FIGN: variants seen among roughly 807,000 people sequenced by gnomAD.
The protein encoded by FIGN is fidgetin, microtubule severing factor.
FIGN carries 11 observed loss-of-function variants against 51.3 expected under a neutral mutation model. The ratio of observed to expected loss-of-function variants is 0.21; its 90% CI spans 0.13 to 0.35. The LOEUF is 0.35. FIGN is among the 10% of genes least tolerant of loss of function. The probability of loss-of-function intolerance (pLI) is 1.00; values close to 1 mark genes in which losing one functional copy is unlikely to be tolerated. For missense variants in FIGN, 857 were observed against 943.6 expected (o/e 0.91, Z 1.20); for synonymous variants, 407 against 363.2 (o/e 1.12, Z -1.37).
chr2:163,642,820 A>G (rs965622946), intron 2 of FIGN, among the ~76,000 whole-genome samples: 1 of 152,224 alleles, frequency 6.6e-6, no homozygotes, highest in African/African-American at 2.4e-5. Context: ...CTGAAGAATA[A>G]ATCTTAAAAA....
chr2:163,647,368 C>T (rs147295692), intron 2 of FIGN, among the ~76,000 whole-genome samples: 171 of 152,228 alleles, frequency 1.1e-3, no homozygotes, highest in African/African-American at 4.0e-3. Flanking sequence ...ATTAATTAAG[C>T]ATATATAATC....
At chr2:163,685,992 C>T (rs1388414023) in intron 2 of FIGN, among the ~76,000 whole-genome samples, 2 of 152,192 alleles carry the variant, frequency 1.3e-5, no homozygotes, top group African/African-American at 4.8e-5. Context: ...AGGCACAAAA[C>T]TATTTGGGAC....
Position 163,677,576 on chromosome 2 carries a change from CT to C in FIGN, c.25+57326del, listed in dbSNP as rs1683991980. ...TATGCTGGACAGCAGAGAAGCTAAT[CT>C]TTTTTAAAACATGATTTCCTACATT... On this transcript the variant is annotated intron_variant, in intron 2 of 2. Coordinates refer to ENST00000333129, the MANE Select transcript of FIGN (RefSeq NM_018086.4). Among the ~76,000 whole-genome samples, 5 of 152,278 alleles carry C rather than the reference CT, an allele frequency of 3.3e-5. No homozygotes were observed. In the South Asian group the frequency reaches 1.0e-3, roughly 32 times the overall value.
intron 2 of FIGN, among the ~76,000 whole-genome samples, chr2:163,680,034 C>A (rs1234890039): frequency 6.6e-6 from 1 of 152,118 alleles, no homozygotes; most frequent in Non-Finnish European, 1.5e-5. Flanking sequence ...GGACATAAAG[C>A]GTGGAATGAT....
chr2:163,670,058 A>G (rs1317730535), intron 2 of FIGN, among the ~76,000 whole-genome samples: 1 of 152,232 alleles, frequency 6.6e-6, no homozygotes, highest in Admixed American at 6.5e-5. Context: ...TTTTTATTAT[A>G]TAGAAAAAGA....
At chr2:163,617,303 C>A (rs1682894504) in intron 2 of FIGN, 3 of 890,380 alleles carry the variant, frequency 3.4e-6, no homozygotes, top group Admixed American at 6.2e-5. Flanking sequence ...CTGAATGTAA[C>A]AGAGGGGCTG....
chr2:163,735,525 T>TA (rs2105371984), intron 1 of FIGN, among the ~76,000 whole-genome samples: 1 of 152,246 alleles, frequency 6.6e-6, no homozygotes, highest in South Asian at 2.1e-4. Flanking sequence ...ATTTTTGAAG[T>TA]AAAAAGATAG....
chr2:163,633,244 AGT>A (rs1287390801), intron 2 of FIGN, among the ~76,000 whole-genome samples: 6 of 152,212 alleles, frequency 3.9e-5, no homozygotes, highest in Admixed American at 3.9e-4. Context: ...ATAGTTATGA[AGT>A]ATTAAGTTCT....
At chr2:163,679,924 T>C (rs951354184) in intron 2 of FIGN, among the ~76,000 whole-genome samples, 1 of 152,346 alleles carries the variant, frequency 6.6e-6, no homozygotes, top group South Asian at 2.1e-4. Context: ...GTACATGCAC[T>C]TTCTTTGATA....
chr2:163,695,457 C>A (rs1358222144), intron 2 of FIGN, among the ~76,000 whole-genome samples: 1 of 152,164 alleles, frequency 6.6e-6, no homozygotes, highest in East Asian at 1.9e-4. Flanking sequence ...TCAAATATCA[C>A]CTTTCCTAAG....
intron 2 of FIGN, among the ~76,000 whole-genome samples, chr2:163,675,121 T>C (rs1157572784): frequency 6.6e-6 from 1 of 152,234 alleles, no homozygotes. Flanking sequence ...TTAACATAGT[T>C]TCTTCTTATT....
intron 2 of FIGN, among the ~76,000 whole-genome samples, chr2:163,690,073 A>G (rs191007010): frequency 1.3e-5 from 2 of 152,328 alleles, no homozygotes; most frequent in Admixed American, 6.5e-5. Flanking sequence ...GTTAAGATAC[A>G]TACAACATAA....
intron 2 of FIGN, among the ~76,000 whole-genome samples, chr2:163,647,755 T>A (rs899039041): frequency 6.6e-6 from 1 of 152,234 alleles, no homozygotes; most frequent in Non-Finnish European, 1.5e-5. Flanking sequence ...TGAATCATCT[T>A]TTTTGATCGC....
chr2:163,695,998 C>A (rs993958352), intron 2 of FIGN, among the ~76,000 whole-genome samples: 2 of 152,226 alleles, frequency 1.3e-5, no homozygotes, highest in South Asian at 4.1e-4. Flanking sequence ...ATAATCCCAG[C>A]TACTTGTGAG....
intron 2 of FIGN, among the ~76,000 whole-genome samples, chr2:163,656,780 C>A (rs1239751208): frequency 6.6e-6 from 1 of 152,132 alleles, no homozygotes; most frequent in Non-Finnish European, 1.5e-5. Context: ...GTTAGATTGT[C>A]AAGAGCTGCT....
chr2:163,669,523 T>G (rs966967410), intron 2 of FIGN, among the ~76,000 whole-genome samples: 2 of 152,216 alleles, frequency 1.3e-5, no homozygotes, highest in African/African-American at 4.8e-5. Context: ...TTCATACATA[T>G]TGTCTGAATA....
intron 2 of FIGN, among the ~76,000 whole-genome samples, chr2:163,654,749 C>A (rs1683532889): frequency 6.6e-6 from 1 of 152,058 alleles, no homozygotes; most frequent in African/African-American, 2.4e-5. Flanking sequence ...AAGGATAATA[C>A]TAGAGGTGAA....
chr2:163,710,501 A>G (rs1007646743), intron 2 of FIGN, among the ~76,000 whole-genome samples: 8 of 152,216 alleles, frequency 5.3e-5, no homozygotes, highest in African/African-American at 1.7e-4. Flanking sequence ...CTCAAATTAT[A>G]GTTTTGGATG....
At chr2:163,644,054 A>G (rs1033137543) in intron 2 of FIGN, among the ~76,000 whole-genome samples, 2 of 151,796 alleles carry the variant, frequency 1.3e-5, no homozygotes, top group Non-Finnish European at 2.9e-5. Flanking sequence ...GAATTCTTAG[A>G]TATGACCCAA....
Sources: allele counts gnomAD v4.1 joint callset (sites outside exome capture counted in the v4.1 genomes callset), GRCh38; gene constraint gnomAD v4.1.1; transcripts MANE v1.5; gene names NCBI Gene and HGNC (gene_info 2026-07-23, HGNC 2026-07-21).